Variants in OTOP3 observed in about 807,000 individuals in gnomAD.
OTOP3 encodes otopetrin 3.
A neutral mutation model predicts 50.8 loss-of-function variants in OTOP3; 41 were observed. The ratio of observed to expected loss-of-function variants is 0.81; its 90% confidence interval spans 0.63 to 1.05. The LOEUF (loss-of-function observed/expected upper bound fraction) is 1.05. Among genes scored for constraint, OTOP3 ranks in the 50% least tolerant of loss-of-function variants. The pLI, the probability that OTOP3 is intolerant of heterozygous loss-of-function variation, is 0.00. For missense variants in OTOP3, 788 were observed against 760.8 expected, an observed-to-expected ratio of 1.04 and a Z score of -0.42; for synonymous variants, 320 against 324.4, an observed-to-expected ratio of 0.99 and a Z score of 0.14.
intron 1 of OTOP3, among the ~76,000 whole-genome samples, chr17:74,939,296 T>C (rs990213786): frequency 1.3e-5 from 2 of 151,184 alleles, no homozygotes; most frequent in Non-Finnish European, 2.9e-5. Flanking sequence ...TGCTAGGAGG[T>C]GGGGAGATGG....
Position 74,949,536 on chromosome 17 carries a change from T to G in OTOP3, c.*120T>G. The stretch of plus-strand genomic sequence containing the variant: ...CCAGCCTGAGGCTCTCAAGGCCTCC[T>G]GCTCCCCAGAGCCTCACTGAAGGGG... On this transcript the variant is annotated 3_prime_UTR_variant, in exon 7 of 7. Coordinates refer to ENST00000328801, the MANE Select transcript of OTOP3 (RefSeq NM_001272005.2). 8.6e-7 allele frequency: 1 copy of G among 1,168,610 alleles called. No homozygotes were observed. Among genetic ancestry groups the G allele is most frequent in the Non-Finnish European group, 1.2e-6 (1 of 843,490 alleles). The allele number at this position is 1,168,610 out of a possible 1,614,324, so 72.4% of individuals were successfully genotyped here.
intron 6 of OTOP3, among the ~76,000 whole-genome samples, 159 bp downstream of exon 6, chr17:74,947,634 T>G (rs145227287): frequency 3.9e-5 from 6 of 152,344 alleles, no homozygotes; most frequent in Middle Eastern, 6.8e-3. Context: ...CTGGCACAAA[T>G]GAATGTGCCA....
rs1388961079 is a variant in OTOP3 at position 74,935,953 on chromosome 17, C to A, written c.19+13C>A. The A allele has an allele frequency of 1.9e-6, 3 of 1,541,650 alleles. No individual in the cohort carries two copies. Among genetic ancestry groups the A allele is most frequent in the Non-Finnish European group, 2.6e-6 (3 of 1,146,698 alleles). On this transcript the variant is annotated intron_variant, in intron 1 of 6. Transcript: ENST00000328801. Reference sequence around the variant, plus strand: ...CTCCCGGCCTCAGGTAAGCCCGGAGCGCCGGCGGAACTTTCCCAGCTTGCG... The same window carrying A: ...CTCCCGGCCTCAGGTAAGCCCGGAGAGCCGGCGGAACTTTCCCAGCTTGCG...
Position 74,946,845 on chromosome 17 carries a change from A to G in OTOP3, c.936A>G (p.Ala312=), listed in dbSNP as rs1159183001. Residue 312 remains alanine, a synonymous_variant, in exon 6 of 7, where the codon GCA becomes GCG. Transcript: ENST00000328801. ...APHMGAHPAT[A]PFHLHGAIFG... ...ACATGGGTGCCCACCCTGCCACCGCACCCTTCCACCTGCACGGGGCCATCT... is the reference window on the plus strand; with the variant it reads ...ACATGGGTGCCCACCCTGCCACCGCGCCCTTCCACCTGCACGGGGCCATCT... 3.7e-6 allele frequency: 6 copies of G among 1,610,768 alleles called. No homozygotes were observed. The Admixed American group carries it at 1.0e-4, about 27-fold the overall frequency.
intron 1 of OTOP3, among the ~76,000 whole-genome samples, chr17:74,939,369 C>A (rs993040336): frequency 3.9e-5 from 6 of 152,048 alleles, no homozygotes; most frequent in African/African-American, 1.5e-4. Flanking sequence ...GCACCTAGAA[C>A]CCTGAGCTCA....
intron 6 of OTOP3, 26 bp from the exon 7 acceptor site, chr17:74,949,220 C>A (rs965573622): frequency 6.2e-7 from 1 of 1,609,690 alleles, no homozygotes; most frequent in Non-Finnish European, 8.5e-7. Flanking sequence ...GAGCCCTTCC[C>A]TAACTCAGCA....
At position 74,943,742 on chromosome 17, in the gene OTOP3, G is replaced by A. The variant is rs1359118710; in HGVS notation, c.751+18G>A. The A allele has an allele frequency of 6.6e-7, 1 of 1,513,160 alleles. No homozygotes were observed. Among genetic ancestry groups the A allele is most frequent in the Non-Finnish European group, 9.1e-7 (1 of 1,100,848 alleles). The allele number at this position is 1,513,160 out of a possible 1,614,324, so 93.7% of individuals were successfully genotyped here. On this transcript the variant is annotated intron_variant, in intron 5 of 6. Coordinates refer to ENST00000328801, the MANE Select transcript of OTOP3 (RefSeq NM_001272005.2). ...ATCCACAGGTATGGAAAGGAGACCAGGTCTTCCTTGCCCTGAAACACACAC... is the reference window on the plus strand; with the variant it reads ...ATCCACAGGTATGGAAAGGAGACCAAGTCTTCCTTGCCCTGAAACACACAC...
intron 5 of OTOP3, among the ~76,000 whole-genome samples, chr17:74,944,919 T>A (rs1298537607): frequency 6.6e-6 from 1 of 152,150 alleles, no homozygotes; most frequent in Non-Finnish European, 1.5e-5. Flanking sequence ...CTCAAAATAT[T>A]TCAGCATGCA....
Position 74,943,169 on chromosome 17 carries a change from C to T in OTOP3, c.574-117C>T, listed in dbSNP as rs561351329. On this transcript the variant is annotated intron_variant, in intron 3 of 6. Coordinates refer to ENST00000328801, the MANE Select transcript of OTOP3 (RefSeq NM_001272005.2). Reference sequence around the variant, plus strand: ...GCAAGAAGCAGTAGAGCCAAGATTCCGACCCAGTCTTTCTCCCTGTGTCTT... The same window carrying T: ...GCAAGAAGCAGTAGAGCCAAGATTCTGACCCAGTCTTTCTCCCTGTGTCTT... The T allele has an allele frequency of 6.2e-5, 57 of 915,986 alleles. 1 individual carries two copies. The highest frequency in any genetic ancestry group is 5.6e-4 in the South Asian group (40 of 72,012). The allele number at this position is 915,986 out of a possible 1,614,324, so 56.7% of individuals were successfully genotyped here.
Position 74,943,733 on chromosome 17 carries a change from A to T in OTOP3, c.751+9A>T. ...CATGGAAAAATCCACAGGTATGGAA[A>T]GGAGACCAGGTCTTCCTTGCCCTGA... On this transcript the variant is annotated intron_variant, in intron 5 of 6. Coordinates refer to ENST00000328801, the MANE Select transcript of OTOP3 (RefSeq NM_001272005.2). The T allele has an allele frequency of 6.3e-7, 1 of 1,578,946 alleles. No homozygotes were observed. The highest frequency in any genetic ancestry group is 8.6e-7 in the Non-Finnish European group (1 of 1,156,442).
chr17:74,948,745 G>A (rs1395474422), intron 6 of OTOP3, among the ~76,000 whole-genome samples: 1 of 152,070 alleles, frequency 6.6e-6, no homozygotes, highest in Non-Finnish European at 1.5e-5. Flanking sequence ...GGCTGAGGTG[G>A]GAGGATCACT....
chr17:74,946,839 C>T lies in OTOP3; in HGVS notation c.930C>T (p.Ala310=), dbSNP rs773437389. The T allele has an allele frequency of 4.3e-6, 7 of 1,611,000 alleles. No homozygotes were observed. The highest frequency in any genetic ancestry group is 5.9e-6 in the Non-Finnish European group (7 of 1,180,024). Residue 310 remains alanine (A), a synonymous_variant, in exon 6 of 7, where the codon GCC becomes GCT. Transcript: ENST00000328801. ...CACCCCACATGGGTGCCCACCCTGC[C>T]ACCGCACCCTTCCACCTGCACGGGG... ...HVAPHMGAHP[A]TAPFHLHGAI...
In OTOP3 at chr17:74,949,595, G is replaced by A. The variant is rs887082939; in HGVS notation, c.*179G>A. On this transcript the variant is annotated 3_prime_UTR_variant, in exon 7 of 7. Transcript: ENST00000328801. ...GCCTAGAGCCAGAGGCCAACAGCAG[G>A]GGCCTGGACACTGAGCTTCTGATGC... The A allele has an allele frequency of 2.9e-6, 2 of 687,586 alleles. No individual in the cohort carries two copies. The highest frequency in any genetic ancestry group is 2.4e-6 in the Non-Finnish European group (1 of 423,814). 42.6% of individuals were successfully genotyped at this position (687,586 alleles called of 1,614,324 possible).
At chr17:74,942,442 C>A (rs1287125471) in intron 3 of OTOP3, among the ~76,000 whole-genome samples, 1 of 151,768 alleles carries the variant, frequency 6.6e-6, no homozygotes, top group Non-Finnish European at 1.5e-5. Context: ...ACCAGCCTGG[C>A]CAACATGGTA....
intron 1 of OTOP3, among the ~76,000 whole-genome samples, chr17:74,940,122 C>CACAT (rs1479671736): frequency 3.6e-5 from 5 of 140,830 alleles, no homozygotes; most frequent in Middle Eastern, 3.7e-3. Context: ...CACACACACA[C>CACAT]ACACACACAC....
chr17:74,945,645 G>A lies in OTOP3; in HGVS notation c.752-1016G>A, dbSNP rs114343651. 2.5e-3 allele frequency among the ~76,000 whole-genome samples: 388 copies of A among 152,304 alleles called. 3 individuals carry two copies. The highest frequency in any genetic ancestry group is 9.0e-3 in the African/African-American group (373 of 41,550). ...GGGACAGGGATGGCAAGGTACTAAT[G>A]ACTGATGACCTGACCCTGAGTGCTG... is the stretch of plus-strand genomic sequence containing the variant. On this transcript the variant is annotated intron_variant, in intron 5 of 6. Transcript: ENST00000328801.
chr17:74,941,346 C>T (rs1328811013), intron 1 of OTOP3, 47 bp from the exon 2 acceptor site: 1 of 1,447,034 alleles, frequency 6.9e-7, no homozygotes, highest in African/African-American at 1.4e-5. Context: ...TGGACTTGAA[C>T]CCAGGACAGC....
chr17:74,936,784 C>A (rs9894744), intron 1 of OTOP3, among the ~76,000 whole-genome samples: 76,741 of 151,708 alleles, frequency 0.51, 19,847 homozygotes, highest in South Asian at 0.58. Context: ...CCAGTAATCC[C>A]GACCCTTCCC....
chr17:74,936,303 C>T (rs1465544620), intron 1 of OTOP3, among the ~76,000 whole-genome samples: 1 of 152,206 alleles, frequency 6.6e-6, no homozygotes. Flanking sequence ...CCCGGCCCCG[C>T]AGTCCCTAAA....
Sources: allele counts gnomAD v4.1 joint callset (sites outside exome capture counted in the v4.1 genomes callset), GRCh38; gene constraint gnomAD v4.1.1; transcripts MANE v1.5; gene names NCBI Gene and HGNC (gene_info 2026-07-23, HGNC 2026-07-21).